The following LAMB2 variants were observed in gnomAD, a reference collection of about 807,000 sequenced individuals.
LAMB2 encodes laminin subunit beta-2.
A neutral mutation model predicts 202.7 loss-of-function variants in LAMB2; 119 were observed. That is an observed-to-expected ratio of 0.59 (90% CI 0.51 to 0.68). The LOEUF (loss-of-function observed/expected upper bound fraction) is 0.68. Ranked by LOEUF, LAMB2 falls within the 30% of genes least tolerant of loss-of-function variation. The probability of loss-of-function intolerance (pLI) is 0.00; values close to 1 mark genes in which losing one functional copy is unlikely to be tolerated. For missense variants in LAMB2, 2,124 were observed against 2,410.6 expected, an observed-to-expected ratio of 0.88 and a Z score of 2.49; for synonymous variants, 818 against 902.2, an observed-to-expected ratio of 0.91 and a Z score of 1.67.
chr3:49,132,729 A>G lies in LAMB2; in HGVS notation c.76+63T>C. On this transcript the variant is annotated intron_variant, in intron 1 of 31. Transcript: ENST00000305544. This position sits in a 1 kb window ranked among gnomAD's most constrained non-coding sequence, Gnocchi z 4.6. ...CAGTGGCTCCACCTCATGTGCCCCA[A>G]GGGCAACTACCAGGACCTACCATCA... The G allele has an allele frequency of 6.2e-7, 1 of 1,612,684 alleles. No individual in the cohort carries two copies. The highest frequency in any genetic ancestry group is 8.5e-7 in the Non-Finnish European group (1 of 1,178,668).
Position 49,123,902 on chromosome 3 carries a change from G to T in LAMB2, c.3623C>A (p.Thr1208Lys), listed in dbSNP as rs750953981. 11 of 1,613,374 alleles carry T rather than the reference G, an allele frequency of 6.8e-6. No homozygotes were observed. The highest frequency in any genetic ancestry group is 9.3e-6 in the Non-Finnish European group (11 of 1,180,026). The change falls in exon 24 of 32, where the codon ACA becomes AAA. Residue 1208 changes from threonine to lysine, a missense_variant. Coordinates refer to ENST00000305544, the MANE Select transcript of LAMB2 (RefSeq NM_002292.4). ...CTGCGCCCGCTGCTCTAGGCGCTGT[G>T]TACGGGCTGCCAAGTCCTGCACCAC... ...DRVVQDLAAR[T>K]QRLEQRAQEL...
At chr3:49,125,549 A>G in intron 18 of LAMB2, 65 bp from the exon 19 acceptor site, 1 of 1,180,140 alleles carries the variant, frequency 8.5e-7, no homozygotes, top group South Asian at 1.3e-5. Flanking sequence ...TGGGTGGGGG[A>G]GGGTCTCAGG....
chr3:49,129,534 A>C lies in LAMB2; in HGVS notation c.1518+70T>G, dbSNP rs1048128236. On this transcript the variant is annotated intron_variant, in intron 11 of 31. Transcript: ENST00000305544. This position sits in a 1 kb window ranked among gnomAD's most constrained non-coding sequence, Gnocchi z 6.1. ...TCTCAGCACCCACCCACTGGCATAG[A>C]TGTGACACCCCAGCCCTGTGCTCTA... The C allele has an allele frequency of 7.6e-7, 1 of 1,320,238 alleles. No individual in the cohort carries two copies. Among genetic ancestry groups the C allele is most frequent in the African/African-American group, 1.4e-5 (1 of 69,058 alleles). The allele number at this position is 1,320,238 out of a possible 1,614,324, so 81.8% of individuals were successfully genotyped here.
chr3:49,124,265 G>A lies in LAMB2; in HGVS notation c.3349C>T (p.Arg1117Cys), dbSNP rs149719225. 16 of 1,613,930 alleles carry A rather than the reference G, an allele frequency of 9.9e-6. No homozygotes were observed. The highest frequency in any genetic ancestry group is 2.7e-5 in the African/African-American group (2 of 74,952). Reference protein sequence around the residue: ...CNEFTGQCHCRAGFGGRTCSE... With the variant: ...CNEFTGQCHCCAGFGGRTCSE... Reference sequence around the variant, plus strand: ...CAAGTCCGCCCTCCAAAGCCGGCACGGCAGTGGCACTGCCCTGTGAACTGG... The same window carrying A: ...CAAGTCCGCCCTCCAAAGCCGGCACAGCAGTGGCACTGCCCTGTGAACTGG... Residue 1117 changes from arginine to cysteine, a missense_variant, in exon 23 of 32, where the codon CGT (arginine) becomes TGT (cysteine). By Grantham distance (180) the Arg-to-Cys change is radical. This residue lies in a region of LAMB2 where 1,702 missense variants were observed against 1,896.3 expected (regional missense o/e 0.90). Coordinates refer to ENST00000305544, the MANE Select transcript of LAMB2 (RefSeq NM_002292.4).
Position 49,128,455 on chromosome 3 carries a change from C to T in LAMB2, c.2018+3G>A. On this transcript the variant is annotated splice_donor_region_variant and intron_variant, in intron 15 of 31. Coordinates refer to ENST00000305544, the MANE Select transcript of LAMB2 (RefSeq NM_002292.4). ...TTGTGAGTGCTACCACCAGTGCCCT[C>T]ACCTGGCATGTGGTTGCAGAGTCCC... 6.2e-7 allele frequency: 1 copy of T among 1,613,658 alleles called. No individual in the cohort carries two copies. The highest frequency in any genetic ancestry group is 1.1e-5 in the South Asian group (1 of 90,974).
rs1290071000 is a variant in LAMB2, at chr3:49,131,532, C to T, written c.648+3G>A. ...AGCCCCCAGCCCAGATGCCAGCCCT[C>T]ACCTCGCCTTCAGTGGATGGCTCAA... On this transcript the variant is annotated splice_donor_region_variant and intron_variant, in intron 5 of 31. Coordinates refer to ENST00000305544, the MANE Select transcript of LAMB2 (RefSeq NM_002292.4). This position sits in a 1 kb window ranked among gnomAD's most constrained non-coding sequence, Gnocchi z 5.0. 1.2e-6 allele frequency: 2 copies of T among 1,613,924 alleles called. No homozygotes were observed. Among genetic ancestry groups the T allele is most frequent in the East Asian group, 2.2e-5 (1 of 44,892 alleles).
At position 49,124,073 on chromosome 3, in the gene LAMB2, T is replaced by A. The variant is rs747958467; in HGVS notation, c.3452A>T (p.Asp1151Val). ...HACDCDSRGI[D>V]TPQCHRFTGH... ...TGTGAAGCGGTGACACTGAGGTGTA[T>A]CTATTCCACGAGAGTCACAATCACA... Residue 1151 changes from aspartate to valine, a missense_variant, in exon 24 of 32, where the codon GAT becomes GTT. Transcript: ENST00000305544. The A allele has an allele frequency of 1.2e-6, 2 of 1,613,964 alleles. No individual in the cohort carries two copies. The highest frequency in any genetic ancestry group is 1.6e-4 in the Middle Eastern group (1 of 6,062).
Position 49,130,692 on chromosome 3 carries a change from A to G in LAMB2, c.1036+48T>C. 6.2e-7 allele frequency: 1 copy of G among 1,611,662 alleles called. No homozygotes were observed. The highest frequency in any genetic ancestry group is 1.3e-5 in the African/African-American group (1 of 75,058). On this transcript the variant is annotated intron_variant, in intron 8 of 31. Coordinates refer to ENST00000305544, the MANE Select transcript of LAMB2 (RefSeq NM_002292.4). The surrounding 1 kb of genome is among the most constrained non-coding windows in gnomAD (Gnocchi z 5.0). ...TAGCTCTAGGTTCTACCCAGGGCAC[A>G]GCCAGGCTGCAGAGTGCTGGAGCTA...
At chr3:49,128,974 C>T (rs772947106) in intron 13 of LAMB2, 46 bp downstream of exon 13, 11 of 1,603,726 alleles carry the variant, frequency 6.9e-6, no homozygotes, top group Middle Eastern at 1.6e-4. Flanking sequence ...CAGTCATAGA[C>T]GTGTCCACCC....
chr3:49,131,767 G>A lies in LAMB2; in HGVS notation c.460-44C>T. 1 of 1,601,954 alleles carries A rather than the reference G, an allele frequency of 6.2e-7. No individual in the cohort carries two copies. The highest frequency in any genetic ancestry group is 1.1e-5 in the South Asian group (1 of 90,708). On this transcript the variant is annotated intron_variant, in intron 4 of 31. Transcript: ENST00000305544. The surrounding 1 kb of genome is among the most constrained non-coding windows in gnomAD (Gnocchi z 5.0). ...CTGATCAGCAGGCACCAGGACCCAA[G>A]CCCAACCCAGAGCCATCAAGAGCCC...
In LAMB2 at chr3:49,129,532, A is replaced by G; in HGVS notation, c.1518+72T>C. On this transcript the variant is annotated intron_variant, in intron 11 of 31. Coordinates refer to ENST00000305544, the MANE Select transcript of LAMB2 (RefSeq NM_002292.4). The surrounding 1 kb of genome is among the most constrained non-coding windows in gnomAD (Gnocchi z 6.1). ...GCTCTCAGCACCCACCCACTGGCAT[A>G]GATGTGACACCCCAGCCCTGTGCTC... is the stretch of plus-strand genomic sequence containing the variant. 7.7e-7 allele frequency: 1 copy of G among 1,307,022 alleles called. No individual in the cohort carries two copies. Among genetic ancestry groups the G allele is most frequent in the Non-Finnish European group, 1.1e-6 (1 of 910,142 alleles). The allele number at this position is 1,307,022 out of a possible 1,614,324, so 81.0% of individuals were successfully genotyped here. A position where few individuals can be genotyped will look rare whatever the true frequency, so the allele number is the denominator to read the frequency against.
intron 15 of LAMB2, among the ~76,000 whole-genome samples, chr3:49,127,036 G>A (rs142129530): frequency 1.1e-4 from 17 of 152,150 alleles, no homozygotes; most frequent in African/African-American, 4.1e-4. Context: ...AGGATGGATG[G>A]AGTACAGTGC....
Position 49,130,111 on chromosome 3 carries a change from C to A in LAMB2, c.1226-93G>T. The A allele has an allele frequency of 6.3e-7, 1 of 1,582,382 alleles. No individual in the cohort carries two copies. Among genetic ancestry groups the A allele is most frequent in the Non-Finnish European group, 8.7e-7 (1 of 1,152,410 alleles). On this transcript the variant is annotated intron_variant, in intron 9 of 31. Coordinates refer to ENST00000305544, the MANE Select transcript of LAMB2 (RefSeq NM_002292.4). This position sits in a 1 kb window ranked among gnomAD's most constrained non-coding sequence, Gnocchi z 5.0. ...AGCCTAAGGGATCCCACCCTGGATC[C>A]CTGGTCAAGTTCTATCCCAAGCCCC...
intron 16 of LAMB2, 45 bp from the exon 17 acceptor site, chr3:49,126,204 C>T (rs764104822): frequency 6.2e-6 from 10 of 1,608,182 alleles, no homozygotes; most frequent in South Asian, 3.3e-5. Context: ...CCTGGGACCA[C>T]GTAGGCATTG....
intron 21 of LAMB2, 38 bp from the exon 22 acceptor site, chr3:49,124,650 G>A (rs1187161221): frequency 1.9e-6 from 3 of 1,613,568 alleles, no homozygotes; most frequent in Non-Finnish European, 2.5e-6. Context: ...TCAAGAGGAG[G>A]CCAAGAAGCA....
rs1473902018 is a variant in LAMB2 at position 49,121,539 on chromosome 3, CTCAGCTAGGGCCTTCACCG to C, written c.5135_5153del (p.Thr1712SerfsTer103). The C allele has an allele frequency of 3.7e-6, 6 of 1,613,950 alleles. No individual in the cohort carries two copies. The East Asian group carries it at 1.3e-4, about 36-fold the overall frequency. On this transcript the variant is annotated frameshift_variant, in exon 31 of 32. Transcript: ENST00000305544. LOFTEE classifies it high-confidence loss of function. ...CAGCCAGCACACCTTGGGCCTTGCGCTCAGCTAGGGCCTTCACCGTCTGGTACTGATCACCCAGAGGACC... is the reference window on the plus strand; with the variant it reads ...CAGCCAGCACACCTTGGGCCTTGCGCTCTGGTACTGATCACCCAGAGGACC...
Position 49,124,995 on chromosome 3 carries a change from C to T in LAMB2, c.2884+11G>A, listed in dbSNP as rs775198479. On this transcript the variant is annotated intron_variant, in intron 20 of 31. Transcript: ENST00000305544. ...CTCACCCTGATCCCACGCCTGCCCCCATCCACTCACCCGTATAGCCTGCCC... is the reference window on the plus strand; with the variant it reads ...CTCACCCTGATCCCACGCCTGCCCCTATCCACTCACCCGTATAGCCTGCCC... 1 of 1,613,990 alleles carries T rather than the reference C, an allele frequency of 6.2e-7. No individual in the cohort carries two copies. Among genetic ancestry groups the T allele is most frequent in the Non-Finnish European group, 8.5e-7 (1 of 1,180,034 alleles).
rs999680439 is a variant in LAMB2 at position 49,125,636 on chromosome 3, G to A, written c.2488+111C>T. On this transcript the variant is annotated intron_variant, in intron 18 of 31. Coordinates refer to ENST00000305544, the MANE Select transcript of LAMB2 (RefSeq NM_002292.4). ...CTACAACTGACCCAGGTTGAGAGTAGAGGGTCCAAGACTTAGTTTGAGGAA... is the reference window on the plus strand; with the variant it reads ...CTACAACTGACCCAGGTTGAGAGTAAAGGGTCCAAGACTTAGTTTGAGGAA... The A allele has an allele frequency of 1.1e-5, 17 of 1,478,464 alleles. No individual in the cohort carries two copies. The Admixed American group carries it at 3.4e-4, about 29-fold the overall frequency. The allele number at this position is 1,478,464 out of a possible 1,614,324, so 91.6% of individuals were successfully genotyped here.
rs772743970 is a variant in LAMB2 at position 49,122,271 on chromosome 3, G to A, written c.4673C>T (p.Ala1558Val). The change falls in exon 28 of 32, where the codon GCG becomes GTG. Residue 1558 changes from alanine (A) to valine (V), a missense_variant. Transcript: ENST00000305544. ...SAEQIQHLAG[A>V]IAERVRSLAD... is the part of the protein sequence containing the mutation. Reference sequence around the variant, plus strand: ...CAGGCTCCGGACTCGCTCTGCAATCGCACCCGCCAGGTGCTGGATCTGCTC... The same window carrying A: ...CAGGCTCCGGACTCGCTCTGCAATCACACCCGCCAGGTGCTGGATCTGCTC... 8.1e-6 allele frequency: 13 copies of A among 1,613,340 alleles called. No individual in the cohort carries two copies. The African/African-American group carries it at 1.1e-4, about 13-fold the overall frequency.
Sources: allele counts gnomAD v4.1 joint callset (sites outside exome capture counted in the v4.1 genomes callset), GRCh38; gene constraint gnomAD v4.1.1; regional missense constraint gnomAD v4.1.1; non-coding constraint Gnocchi (gnomAD v3.1); transcripts MANE v1.5; gene names NCBI Gene and HGNC (gene_info 2026-07-23, HGNC 2026-07-21).